PALLD: variants seen among roughly 807,000 people sequenced by gnomAD.
PALLD encodes the protein palladin, cytoskeletal associated protein, also known as palladin.
In PALLD, 61 loss-of-function variants were observed where a neutral mutation model predicts 123.5. That is an observed-to-expected ratio of 0.49 (90% CI 0.40 to 0.61). The LOEUF is 0.61. PALLD is among the 20% of genes least tolerant of loss of function. PALLD has a pLI of 0.00. For synonymous variants in PALLD, 465 were observed against 496.4 expected (o/e 0.94, Z 0.84); for missense variants, 1,273 against 1,377.0 (o/e 0.92, Z 1.20).
chr4:168,574,758 A>T (rs1441476746), intron 2 of PALLD, among the ~76,000 whole-genome samples: 1 of 152,154 alleles, frequency 6.6e-6, no homozygotes, highest in African/African-American at 2.4e-5. Flanking sequence ...AGTTGGCAGC[A>T]CTTCAAAGTA....
At chr4:168,922,045 C>T (rs190907857) in intron 18 of PALLD, among the ~76,000 whole-genome samples, 3 of 150,934 alleles carry the variant, frequency 2.0e-5, no homozygotes, top group African/African-American at 4.9e-5. Flanking sequence ...AGCATGGACT[C>T]CAAGAACCAA....
At chr4:168,533,899 G>A (rs916737534) in intron 2 of PALLD, among the ~76,000 whole-genome samples, 7 of 152,168 alleles carry the variant, frequency 4.6e-5, no homozygotes, top group Non-Finnish European at 8.8e-5. Context: ...CCACATTGAC[G>A]AAGACAAGAA....
At chr4:168,759,189 AAAAAAAAAAAAAAATATATATATATAT>A (rs1317382934) in intron 10 of PALLD, among the ~76,000 whole-genome samples, 14 of 24,656 alleles carry the variant, frequency 5.7e-4, no homozygotes, top group Non-Finnish European at 1.0e-3. Flanking sequence ...CAAAAAAAAA[AAAAAAAAAAAAAAATATATATATATAT>A]ATATATATAT....
At chr4:168,652,386 C>A (rs772123197) in intron 2 of PALLD, among the ~76,000 whole-genome samples, 3 of 152,202 alleles carry the variant, frequency 2.0e-5, no homozygotes, top group Non-Finnish European at 2.9e-5. Context: ...CTCTTCAAAG[C>A]TCTCAAATGG....
intron 18 of PALLD, 42 bp from the exon 19 acceptor site, chr4:168,924,213 T>C (rs756040484): frequency 1.1e-5 from 17 of 1,564,026 alleles, no homozygotes; most frequent in Non-Finnish European, 1.5e-5. Context: ...TAGTGCTCCT[T>C]TTGTATATCA....
At chr4:168,646,888 T>C (rs180758499) in intron 2 of PALLD, among the ~76,000 whole-genome samples, 98 of 152,328 alleles carry the variant, frequency 6.4e-4, no homozygotes, top group African/African-American at 2.1e-3. Flanking sequence ...AGTTTTAAAA[T>C]ACTCAAGGCC....
rs1239568292 is a variant in PALLD at position 168,921,698 on chromosome 4, C to T, written c.3015C>T (p.Asn1005=). 1 of 1,611,622 alleles carries T rather than the reference C, an allele frequency of 6.2e-7. No homozygotes were observed. Among genetic ancestry groups the T allele is most frequent in the Non-Finnish European group, 8.5e-7 (1 of 1,179,822 alleles). The change falls in exon 18 of 22, where the codon AAC becomes AAT. Residue 1005 remains asparagine, a synonymous_variant. Coordinates refer to ENST00000505667, the MANE Select transcript of PALLD (RefSeq NM_001166108.2). Reference sequence around the variant, plus strand: ...GCATCTACACATGTATAGCTACCAACCGAGCAGGACAGAACTCATTCAGCC... The same window carrying T: ...GCATCTACACATGTATAGCTACCAATCGAGCAGGACAGAACTCATTCAGCC... The part of the protein sequence containing the change: ...DAGIYTCIAT[N]RAGQNSFSLE...
chr4:168,881,558 C>G lies in PALLD; in HGVS notation c.1965-9364C>G, dbSNP rs1752613263. On this transcript the variant is annotated intron_variant, in intron 10 of 21. Transcript: ENST00000505667. ...GCGGTCTGGGGAACTTCTATACATACAGTTCCTCAAATGCCTTTCTTCCTT... is the reference window on the plus strand; with the variant it reads ...GCGGTCTGGGGAACTTCTATACATAGAGTTCCTCAAATGCCTTTCTTCCTT... 2.0e-5 allele frequency among the ~76,000 whole-genome samples: 3 copies of G among 150,498 alleles called. No individual in the cohort carries two copies. In the Middle Eastern group the frequency reaches 0.01, roughly 515 times the overall value.
chr4:168,508,864 T>C (rs909394354), intron 1 of PALLD, among the ~76,000 whole-genome samples: 1 of 152,172 alleles, frequency 6.6e-6, no homozygotes, highest in Admixed American at 6.5e-5. Flanking sequence ...GAGTTGATCC[T>C]GATCCTGGCT....
intron 10 of PALLD, among the ~76,000 whole-genome samples, chr4:168,845,027 G>A (rs1459746231): frequency 1.4e-5 from 2 of 147,590 alleles, no homozygotes; most frequent in African/African-American, 2.5e-5. Context: ...AGAGTGGAGA[G>A]TTTGGGAGAA....
chr4:168,639,606 T>C (rs904702119), intron 2 of PALLD, among the ~76,000 whole-genome samples: 23 of 151,590 alleles, frequency 1.5e-4, no homozygotes, highest in South Asian at 4.2e-4. Flanking sequence ...TGCAGTGGTG[T>C]GATCTTGGCT....
At chr4:168,902,632 G>A (rs1756774010) in intron 14 of PALLD, among the ~76,000 whole-genome samples, 2 of 152,110 alleles carry the variant, frequency 1.3e-5, no homozygotes. Context: ...CTGGGCAACG[G>A]AGCGAGACCC....
At chr4:168,529,463 A>G (rs1412567395) in intron 2 of PALLD, among the ~76,000 whole-genome samples, 2 of 152,210 alleles carry the variant, frequency 1.3e-5, no homozygotes, top group African/African-American at 4.8e-5. Flanking sequence ...TACACAATTA[A>G]GAAGGGCACA....
At position 168,746,380 on chromosome 4, in the gene PALLD, C is replaced by CAAAAAAAAAAAAAAAAAAAAAAA. The variant is rs747755592; in HGVS notation, c.1964+34465_1964+34487dup. Among the ~76,000 whole-genome samples the CAAAAAAAAAAAAAAAAAAAAAAA allele has an allele frequency of 1.9e-4, 7 of 37,016 alleles. 1 individual carries two copies. Among genetic ancestry groups the CAAAAAAAAAAAAAAAAAAAAAAA allele is most frequent in the Admixed American group, 9.9e-4 (2 of 2,028 alleles). 24.3% of individuals were successfully genotyped at this position (37,016 alleles called of 152,430 possible). A position where few individuals can be genotyped will look rare whatever the true frequency, so the allele number is the denominator to read the frequency against. ...TGGGCGACAGAGCGAGAACCCGTCT[C>CAAAAAAAAAAAAAAAAAAAAAAA]AAAAAAAAAAAAAAAAAAAAAAAAA... On this transcript the variant is annotated intron_variant, in intron 10 of 21. Transcript: ENST00000505667.
At chr4:168,581,858 T>TA (rs1213877760) in intron 2 of PALLD, among the ~76,000 whole-genome samples, 4 of 152,140 alleles carry the variant, frequency 2.6e-5, no homozygotes, top group Admixed American at 6.6e-5. Context: ...GGTTTTTTTT[T>TA]ATGTTGTCTT....
intron 10 of PALLD, among the ~76,000 whole-genome samples, chr4:168,795,710 CTTTT>C (rs10632080): frequency 6.9e-6 from 1 of 144,714 alleles, no homozygotes. Flanking sequence ...CCCTAATTGT[CTTTT>C]TTTTTTTTTT....
At chr4:168,647,111 A>C (rs1260997737) in intron 2 of PALLD, among the ~76,000 whole-genome samples, 1 of 152,260 alleles carries the variant, frequency 6.6e-6, no homozygotes, top group Non-Finnish European at 1.5e-5. Context: ...TCCTTCTTCA[A>C]CCAGTTTCAA....
At chr4:168,919,150 G>T (rs950344254) in intron 17 of PALLD, among the ~76,000 whole-genome samples, 1 of 152,010 alleles carries the variant, frequency 6.6e-6, no homozygotes, top group Admixed American at 6.6e-5. Flanking sequence ...TCCTTAAAAC[G>T]CCTGCCATTA....
At chr4:168,581,198 C>T (rs1261122730) in intron 2 of PALLD, among the ~76,000 whole-genome samples, 1 of 151,926 alleles carries the variant, frequency 6.6e-6, no homozygotes, top group East Asian at 1.9e-4. Flanking sequence ...TTGTAGATAA[C>T]ACTACCATGA....
Sources: allele counts gnomAD v4.1 joint callset (sites outside exome capture counted in the v4.1 genomes callset), GRCh38; gene constraint gnomAD v4.1.1; transcripts MANE v1.5; gene names NCBI Gene and HGNC (gene_info 2026-07-23, HGNC 2026-07-21).